EML5: variants seen among roughly 807,000 people sequenced by gnomAD.
The protein encoded by EML5 is echinoderm microtubule-associated protein-like 5.
EML5 carries 120 observed loss-of-function variants against 250.0 expected under a neutral mutation model. The observed-to-expected ratio is 0.48, with a 90% CI of 0.41 to 0.56. The LOEUF (loss-of-function observed/expected upper bound fraction) is 0.56. EML5 is among the 20% of genes least tolerant of loss of function. The probability of loss-of-function intolerance (pLI) is 0.00; values close to 1 mark genes in which losing one functional copy is unlikely to be tolerated. For synonymous variants in EML5, 771 were observed against 806.5 expected (o/e 0.96, Z 0.75); for missense variants, 2,006 against 2,437.6 (o/e 0.82, Z 3.73).
At chr14:88,649,563 T>C (rs904566312) in intron 28 of EML5, among the ~76,000 whole-genome samples, 2 of 152,234 alleles carry the variant, frequency 1.3e-5, no homozygotes, top group African/African-American at 4.8e-5. Flanking sequence ...CATTAAATCA[T>C]GTTAACAGGT....
At chr14:88,690,502 A>G (rs745910542) in intron 17 of EML5, among the ~76,000 whole-genome samples, 1 of 152,238 alleles carries the variant, frequency 6.6e-6, no homozygotes, top group African/African-American at 2.4e-5. Flanking sequence ...CAGAGTCATT[A>G]GTGACCTTGT....
intron 1 of EML5, among the ~76,000 whole-genome samples, chr14:88,762,403 G>A (rs181798596): frequency 7.2e-4 from 110 of 152,082 alleles, no homozygotes; most frequent in Middle Eastern, 3.4e-3. Context: ...CCAGCTACTC[G>A]GGAGGCTGAG....
intron 2 of EML5, among the ~76,000 whole-genome samples, chr14:88,753,536 T>TA (rs1385921954): frequency 6.6e-6 from 1 of 152,184 alleles, no homozygotes; most frequent in Non-Finnish European, 1.5e-5. Flanking sequence ...AGTCTAATTA[T>TA]AACATAAAAC....
chr14:88,787,158 C>T (rs1375868347), intron 1 of EML5, among the ~76,000 whole-genome samples: 1 of 152,214 alleles, frequency 6.6e-6, no homozygotes, highest in Non-Finnish European at 1.5e-5. Flanking sequence ...TGACCCTTCT[C>T]CCTATTGTCC....
At chr14:88,667,258 T>C (rs1300269269) in intron 21 of EML5, among the ~76,000 whole-genome samples, 1 of 152,230 alleles carries the variant, frequency 6.6e-6, no homozygotes, top group Non-Finnish European at 1.5e-5. Context: ...TTTATTTGTG[T>C]ATATTAACTA....
chr14:88,713,378 C>A (rs763276561), intron 9 of EML5, among the ~76,000 whole-genome samples: 4 of 122,970 alleles, frequency 3.3e-5, no homozygotes, highest in Non-Finnish European at 6.5e-5. Context: ...GGCAACAGAG[C>A]GAAACTCCGT....
chr14:88,769,500 G>A (rs192334016), intron 1 of EML5, among the ~76,000 whole-genome samples: 93 of 152,256 alleles, frequency 6.1e-4, no homozygotes, highest in African/African-American at 2.1e-3. Context: ...TTATAGCAGT[G>A]TGAGAATGGA....
chr14:88,733,041 G>T (rs192514590), intron 7 of EML5, among the ~76,000 whole-genome samples: 19 of 152,288 alleles, frequency 1.2e-4, no homozygotes, highest in Admixed American at 2.6e-4. Flanking sequence ...TTACATTGTG[G>T]TAAAGTCATT....
At chr14:88,764,858 G>A (rs1316232059) in intron 1 of EML5, among the ~76,000 whole-genome samples, 1 of 151,696 alleles carries the variant, frequency 6.6e-6, no homozygotes, top group Non-Finnish European at 1.5e-5. Context: ...ATTCCATTAT[G>A]GTCAGAGAAC....
Position 88,704,937 on chromosome 14 carries a change from T to C in EML5, c.1974A>G (p.Lys658=). The stretch of plus-strand genomic sequence containing the variant: ...TAGAAGTAGCACTTTTTTGTTTCTC[T>C]TTGCACTGTTCTTTAAGCTGAGGTA... ...EDLPQLKEQC[K]EKQKSATSKR... The change falls in exon 13 of 44, where the codon AAA becomes AAG. Residue 658 remains lysine (K), a synonymous_variant. Coordinates refer to ENST00000554922, the MANE Select transcript of EML5 (RefSeq NM_183387.3). 6.2e-7 allele frequency: 1 copy of C among 1,613,138 alleles called. No individual in the cohort carries two copies.
In EML5 at chr14:88,732,325, C is replaced by T. The variant is rs12385902; in HGVS notation, c.1049+4039G>A. Among the ~76,000 whole-genome samples the T allele has an allele frequency of 7.9e-3, 1,195 of 152,186 alleles. 17 individuals carry two copies. Among genetic ancestry groups the T allele is most frequent in the African/African-American group, 0.027 (1,140 of 41,532 alleles). On this transcript the variant is annotated intron_variant, in intron 7 of 43. Coordinates refer to ENST00000554922, the MANE Select transcript of EML5 (RefSeq NM_183387.3). The stretch of plus-strand genomic sequence containing the variant: ...CAGCACCATTTATTAAATAGGGAAT[C>T]GTTTCCCCATTTCTTGTTTTTGTCA...
In EML5 at chr14:88,615,473, A is replaced by C. The variant is rs557278719; in HGVS notation, c.*345T>G. 71 of 228,958 alleles carry C rather than the reference A, an allele frequency of 3.1e-4. No individual in the cohort carries two copies. Among genetic ancestry groups the C allele is most frequent in the Non-Finnish European group, 4.6e-4 (54 of 118,528 alleles). The allele number at this position is 228,958 out of a possible 1,614,324, so 14.2% of individuals were successfully genotyped here. ...TAAAAAGATAATGAAAATTATCCAAATTGGGTTTTTGAGTTCTTCTGTAAA... is the reference window on the plus strand; with the variant it reads ...TAAAAAGATAATGAAAATTATCCAACTTGGGTTTTTGAGTTCTTCTGTAAA... On this transcript the variant is annotated 3_prime_UTR_variant, in exon 44 of 44. Transcript: ENST00000554922.
chr14:88,784,948 C>T (rs2094535898), intron 1 of EML5, among the ~76,000 whole-genome samples: 1 of 152,132 alleles, frequency 6.6e-6, no homozygotes, highest in African/African-American at 2.4e-5. Flanking sequence ...ACCTAAGAGT[C>T]TATCAACAGA....
At chr14:88,617,085 G>T in intron 41 of EML5, 1 of 443,722 alleles carries the variant, frequency 2.3e-6, no homozygotes, top group Non-Finnish European at 4.0e-6. Flanking sequence ...TAATTTGAAG[G>T]GTTTCTAGAT....
chr14:88,775,599 C>T (rs1244137720), intron 1 of EML5, among the ~76,000 whole-genome samples: 1 of 152,188 alleles, frequency 6.6e-6, no homozygotes, highest in South Asian at 2.1e-4. Context: ...CACAGTACAA[C>T]AGAACACCAG....
chr14:88,717,633 T>C (rs956312058), intron 8 of EML5, among the ~76,000 whole-genome samples: 1 of 152,186 alleles, frequency 6.6e-6, no homozygotes, highest in Non-Finnish European at 1.5e-5. Flanking sequence ...CATCCGCCTG[T>C]AATCCCAGCT....
intron 2 of EML5, among the ~76,000 whole-genome samples, chr14:88,747,003 C>G (rs970817949): frequency 2.0e-5 from 3 of 152,128 alleles, no homozygotes; most frequent in African/African-American, 7.2e-5. Context: ...CTTCAAGCAA[C>G]TTCAACAATG....
intron 1 of EML5, among the ~76,000 whole-genome samples, chr14:88,765,889 C>A (rs2094313398): frequency 6.6e-6 from 1 of 152,086 alleles, no homozygotes; most frequent in Admixed American, 6.6e-5. Context: ...AGTCAGGGAC[C>A]CCGAACGGAG....
At chr14:88,708,883 A>G (rs1182053474) in intron 10 of EML5, among the ~76,000 whole-genome samples, 4 of 152,176 alleles carry the variant, frequency 2.6e-5, no homozygotes, top group African/African-American at 9.6e-5. Context: ...ATCAATTAGT[A>G]CAAATATCTC....
Sources: allele counts gnomAD v4.1 joint callset (sites outside exome capture counted in the v4.1 genomes callset), GRCh38; gene constraint gnomAD v4.1.1; transcripts MANE v1.5; gene names NCBI Gene and HGNC (gene_info 2026-07-23, HGNC 2026-07-21).